Variants in OBI1 observed in about 807,000 individuals in gnomAD.
OBI1 encodes the protein ring finger protein 219.
A neutral mutation model predicts 62.4 loss-of-function variants in OBI1; 59 were observed. That is an observed-to-expected ratio of 0.95 (90% CI 0.77 to 1.17). The LOEUF is 1.17. OBI1 is among the 50% of genes most tolerant of loss of function. The pLI is 0.00. For synonymous variants in OBI1, 302 were observed against 292.8 expected, an observed-to-expected ratio of 1.03 and a Z score of -0.32; for missense variants, 875 against 830.9, an observed-to-expected ratio of 1.05 and a Z score of -0.65.
At position 78,638,961 on chromosome 13, in the gene OBI1, G is replaced by C; in HGVS notation, c.411C>G (p.Asn137Lys). The change falls in exon 4 of 6, where the codon AAC (asparagine) becomes AAG (lysine). Residue 137 changes from asparagine to lysine, a missense_variant. Transcript: ENST00000282003. ...ILDPLTLVQG[N>K]QNEDKHLVTD... ...TGACTAGATGTTTGTCTTCATTTTG[G>C]TTGCCCTGCACCAAGGTTAAAGGAT... The C allele has an allele frequency of 6.2e-7, 1 of 1,613,724 alleles. No homozygotes were observed. Among genetic ancestry groups the C allele is most frequent in the African/African-American group, 1.3e-5 (1 of 74,940 alleles).
At position 78,615,769 on chromosome 13, in the gene OBI1, T is replaced by C. The variant is rs778207104; in HGVS notation, c.1992A>G (p.Glu664=). Residue 664 remains glutamate (E), a synonymous_variant, in exon 6 of 6, where the codon GAA becomes GAG. Coordinates refer to ENST00000282003, the MANE Select transcript of OBI1 (RefSeq NM_024546.4). ...ILLSSSHRLF[E]DQRFGSSLFK... is the part of the protein sequence containing the mutation. ...ACAAAGATGACCCAAATCTTTGATC[T>C]TCAAATAGTCGATGTGAACTGCTTA... is the stretch of plus-strand genomic sequence containing the variant. 1 of 1,613,912 alleles carries C rather than the reference T, an allele frequency of 6.2e-7. No homozygotes were observed. Among genetic ancestry groups the C allele is most frequent in the South Asian group, 1.1e-5 (1 of 90,964 alleles).
chr13:78,637,476 A>G (rs1358032309), intron 4 of OBI1, among the ~76,000 whole-genome samples: 2 of 152,190 alleles, frequency 1.3e-5, no homozygotes, highest in African/African-American at 4.8e-5. Flanking sequence ...TCCATCCCTC[A>G]TATCACCCTT....
chr13:78,632,380 T>G (rs1044305999), intron 5 of OBI1, among the ~76,000 whole-genome samples: 1 of 152,182 alleles, frequency 6.6e-6, no homozygotes, highest in African/African-American at 2.4e-5. Context: ...CATTTTGTTA[T>G]GACAATCTGA....
At chr13:78,623,481 T>G (rs1189186120) in intron 5 of OBI1, among the ~76,000 whole-genome samples, 1 of 152,148 alleles carries the variant, frequency 6.6e-6, no homozygotes, top group Non-Finnish European at 1.5e-5. Flanking sequence ...ATATCAACTT[T>G]ATGAAGCAAG....
At position 78,644,901 on chromosome 13, in the gene OBI1, C is replaced by T. The variant is rs1347013537; in HGVS notation, c.169G>A (p.Val57Ile). 4 of 1,613,990 alleles carry T rather than the reference C, an allele frequency of 2.5e-6. No homozygotes were observed. Among genetic ancestry groups the T allele is most frequent in the Non-Finnish European group, 1.7e-6 (2 of 1,179,940 alleles). Residue 57 changes from valine to isoleucine, a missense_variant, in exon 2 of 6, where the codon GTC (valine) becomes ATC (isoleucine). Transcript: ENST00000282003. ...KNNSQCPACR[V>I]PITPENPCKE... ...CAAGGATTTTCAGGAGTGATGGGGA[C>T]TCTGCAAGCTGGACACTGGCTATTA...
At chr13:78,619,847 C>T (rs192588288) in intron 5 of OBI1, among the ~76,000 whole-genome samples, 5 of 152,250 alleles carry the variant, frequency 3.3e-5, no homozygotes, top group Admixed American at 3.3e-4. Context: ...TACACTAGTG[C>T]CTTACATTGA....
At chr13:78,624,189 A>T (rs1639241355) in intron 5 of OBI1, among the ~76,000 whole-genome samples, 1 of 152,210 alleles carries the variant, frequency 6.6e-6, no homozygotes, top group Non-Finnish European at 1.5e-5. Context: ...TAAGAGAAAT[A>T]AAAAAATACA....
chr13:78,615,803 C>T lies in OBI1; in HGVS notation c.1958G>A (p.Gly653Asp). ...SCLFQTEFSQ[G>D]ILLSSSHRLF... is the part of the protein sequence containing the mutation. ...TCGATGTGAACTGCTTAACAAAATG[C>T]CCTGGGAAAACTCTGTCTGAAACAA... Residue 653 changes from glycine (G) to aspartate (D), a missense_variant, in exon 6 of 6, where the codon GGC becomes GAC. By Grantham distance (94) the Gly-to-Asp change is moderately conservative. Coordinates refer to ENST00000282003, the MANE Select transcript of OBI1 (RefSeq NM_024546.4). The T allele has an allele frequency of 6.2e-7, 1 of 1,613,682 alleles. No homozygotes were observed. The highest frequency in any genetic ancestry group is 8.5e-7 in the Non-Finnish European group (1 of 1,179,876).
intron 1 of OBI1, among the ~76,000 whole-genome samples, chr13:78,658,329 A>C (rs1456963230): frequency 6.6e-6 from 1 of 152,210 alleles, no homozygotes; most frequent in Non-Finnish European, 1.5e-5. Flanking sequence ...GGAATGCATT[A>C]GAATATTCAA....
In OBI1 at chr13:78,648,838, G is replaced by A. The variant is rs569841848; in HGVS notation, c.73-3841C>T. ...TGAGGCAGGAGAATCACTTGAACCC[G>A]GGAGGCAGAGGTTGCGGCGAGCTGA... On this transcript the variant is annotated intron_variant, in intron 1 of 5. Transcript: ENST00000282003. Among the ~76,000 whole-genome samples, 29 of 151,890 alleles carry A rather than the reference G, an allele frequency of 1.9e-4. No homozygotes were observed. The East Asian group carries it at 4.5e-3, about 23-fold the overall frequency.
chr13:78,657,938 C>T (rs184888750), intron 1 of OBI1, among the ~76,000 whole-genome samples: 20 of 152,332 alleles, frequency 1.3e-4, no homozygotes, highest in Middle Eastern at 3.4e-3. Flanking sequence ...ATCAAGCCAT[C>T]CCCAATCCAT....
intron 4 of OBI1, 29 bp downstream of exon 4, chr13:78,638,794 A>G (rs1352403691): frequency 5.7e-6 from 9 of 1,578,236 alleles, no homozygotes; most frequent in East Asian, 2.2e-5. Flanking sequence ...AAAAACAACC[A>G]TAATAGATTT....
At chr13:78,653,230 G>A (rs1876595458) in intron 1 of OBI1, among the ~76,000 whole-genome samples, 1 of 152,136 alleles carries the variant, frequency 6.6e-6, no homozygotes, top group Non-Finnish European at 1.5e-5. Flanking sequence ...GTTTTAGGCG[G>A]TTCCCTGCAT....
At chr13:78,631,514 A>G (rs947103167) in intron 5 of OBI1, among the ~76,000 whole-genome samples, 3 of 152,274 alleles carry the variant, frequency 2.0e-5, no homozygotes, top group Admixed American at 2.0e-4. Flanking sequence ...CTTAAAGGTC[A>G]TATCACCACC....
At chr13:78,618,739 A>G (rs1293720775) in intron 5 of OBI1, among the ~76,000 whole-genome samples, 1 of 152,164 alleles carries the variant, frequency 6.6e-6, no homozygotes, top group African/African-American at 2.4e-5. Flanking sequence ...ACAAAAACAA[A>G]AGCAACTATA....
intron 5 of OBI1, among the ~76,000 whole-genome samples, chr13:78,633,996 G>C (rs1246558093): frequency 6.6e-6 from 1 of 151,382 alleles, no homozygotes; most frequent in African/African-American, 2.4e-5. Context: ...AAACCCCGGG[G>C]GGCGGAGCCT....
intron 3 of OBI1, among the ~76,000 whole-genome samples, chr13:78,641,359 A>G (rs1470976653): frequency 1.3e-5 from 2 of 152,218 alleles, no homozygotes; most frequent in Non-Finnish European, 2.9e-5. Context: ...TCAATCATGT[A>G]TTTATACCCC....
intron 4 of OBI1, among the ~76,000 whole-genome samples, chr13:78,637,850 A>G (rs1026974978): frequency 6.6e-6 from 1 of 152,116 alleles, no homozygotes; most frequent in Non-Finnish European, 1.5e-5. Context: ...CATTTATTTT[A>G]TATGTGGAAG....
chr13:78,626,172 G>A (rs528956637), intron 5 of OBI1, among the ~76,000 whole-genome samples: 2 of 152,228 alleles, frequency 1.3e-5, no homozygotes, highest in South Asian at 2.1e-4. Flanking sequence ...CTGAATCTCT[G>A]GCATAACTTA....
Sources: gnomAD v4.1 joint callset for allele counts (sites outside exome capture counted in the v4.1 genomes callset) on GRCh38, gnomAD v4.1.1 for gene constraint, MANE v1.5 for transcripts, NCBI Gene and HGNC (gene_info 2026-07-23, HGNC 2026-07-21) for gene names.